The following TAPBPL variants were observed in gnomAD, a reference collection of about 807,000 sequenced individuals.
TAPBPL encodes the protein tapasin-related protein.
A neutral mutation model predicts 44.8 loss-of-function variants in TAPBPL; 32 were observed. That is an observed-to-expected ratio of 0.71 (90% CI 0.54 to 0.96). The LOEUF (loss-of-function observed/expected upper bound fraction) is 0.96, where lower values mean the gene tolerates loss of function less well. TAPBPL is among the 40% of genes least tolerant of loss of function. TAPBPL has a pLI of 0.00. For synonymous variants in TAPBPL, 230 were observed against 240.7 expected (o/e 0.96, Z 0.41); for missense variants, 520 against 586.6 (o/e 0.89, Z 1.17).
Position 6,460,938 on chromosome 12 carries a change from G to A in TAPBPL, c.1291G>A (p.Ala431Thr). 2 of 1,614,108 alleles carry A rather than the reference G, an allele frequency of 1.2e-6. No individual in the cohort carries two copies. The highest frequency in any genetic ancestry group is 1.7e-6 in the Non-Finnish European group (2 of 1,180,008). The part of the protein sequence containing the change: ...LMFLGLQRRQ[A>T]PTGLGLLQAE... ...GTTCCTGGGGCTTCAGAGACGGCAAGGTAAGAGCCTGGGTGCCCTTGGCTC... is the reference window on the plus strand; with the variant it reads ...GTTCCTGGGGCTTCAGAGACGGCAAAGTAAGAGCCTGGGTGCCCTTGGCTC... Residue 431 changes from alanine to threonine, a missense_variant and splice_region_variant, in exon 6 of 7, where the codon GCA (alanine) becomes ACA (threonine). By Grantham distance (58) the Ala-to-Thr change is moderately conservative (BLOSUM62 0). Coordinates refer to ENST00000266556, the MANE Select transcript of TAPBPL (RefSeq NM_018009.5).
downstream of TAPBPL, chr12:6,462,581 G>C: frequency 1.7e-6 from 1 of 577,650 alleles, no homozygotes; most frequent in Non-Finnish European, 3.1e-6. Context: ...AAGTAGAAGG[G>C]CTAATACCCC....
At chr12:6,463,677 C>G (rs1247235124), downstream of TAPBPL, 2 of 1,087,680 alleles carry the variant, frequency 1.8e-6, no homozygotes, top group Non-Finnish European at 2.2e-6. The surrounding 1 kb of genome is among the most constrained non-coding windows in gnomAD (Gnocchi z 4.0). Context: ...GATAAAACTA[C>G]CAGCTAGATG....
Position 6,457,671 on chromosome 12 carries a change from C to G in TAPBPL, c.831C>G (p.Asp277Glu). The change falls in exon 4 of 7, where the codon GAC (aspartate) becomes GAG (glutamate). Residue 277 changes from aspartate (D) to glutamate (E), a missense_variant. By Grantham distance (45) the Asp-to-Glu change is conservative. Coordinates refer to ENST00000266556, the MANE Select transcript of TAPBPL (RefSeq NM_018009.5). ...CCCTGCCCGGCCTCACTATACAGGA[C>G]GAGGGGACCTACATTTGCCAGATCA... is the stretch of plus-strand genomic sequence containing the variant. ...SLTLPGLTIQ[D>E]EGTYICQITT... 1 of 1,613,774 alleles carries G rather than the reference C, an allele frequency of 6.2e-7. No individual in the cohort carries two copies. Among genetic ancestry groups the G allele is most frequent in the Non-Finnish European group, 8.5e-7 (1 of 1,179,762 alleles).
At position 6,453,606 on chromosome 12, in the gene TAPBPL, G is replaced by T; in HGVS notation, c.455G>T (p.Gly152Val). ...FMANMQVSGG[G>V]PSISLVMKTP... ...GCCAACATGCAGGTCTCTGGAGGGGGACCTAGCATCTCCTTGGTGATGAAG... is the reference window on the plus strand; with the variant it reads ...GCCAACATGCAGGTCTCTGGAGGGGTACCTAGCATCTCCTTGGTGATGAAG... Residue 152 changes from glycine (G) to valine (V), a missense_variant, in exon 3 of 7, where the codon GGA becomes GTA. By Grantham distance (109) the Gly-to-Val change is moderately radical (BLOSUM62 -3). Transcript: ENST00000266556. This position sits in a 1 kb window ranked among gnomAD's most constrained non-coding sequence, Gnocchi z 4.8. 1 of 1,614,168 alleles carries T rather than the reference G, an allele frequency of 6.2e-7. No individual in the cohort carries two copies. Among genetic ancestry groups the T allele is most frequent in the Non-Finnish European group, 8.5e-7 (1 of 1,180,030 alleles).
At chr12:6,470,091 G>T (rs989863535), downstream of TAPBPL, among the ~76,000 whole-genome samples, 1 of 152,082 alleles carries the variant, frequency 6.6e-6, no homozygotes, top group Admixed American at 6.5e-5. Context: ...GAGATTGTAG[G>T]GCAACATAAG....
In TAPBPL at chr12:6,460,837, C is replaced by T. The variant is rs780414245; in HGVS notation, c.1208-18C>T. 1.5e-5 allele frequency: 25 copies of T among 1,613,366 alleles called. No homozygotes were observed. The highest frequency in any genetic ancestry group is 4.0e-5 in the African/African-American group (3 of 74,892). ...TCCTGCGCACGATGATCCCCGCCCA[C>T]GTTGCTCTCACCTACAGAGCGGAGA... On this transcript the variant is annotated intron_variant, in intron 5 of 6. Transcript: ENST00000266556.
At chr12:6,462,927 A>G, downstream of TAPBPL, 1 of 1,561,388 alleles carries the variant, frequency 6.4e-7, no homozygotes, top group South Asian at 1.2e-5. Context: ...GCTGCATGGA[A>G]AGTGGGCATC....
chr12:6,466,216 T>C (rs370743078), downstream of TAPBPL: 6 of 1,614,052 alleles, frequency 3.7e-6, no homozygotes, highest in East Asian at 2.2e-5. Flanking sequence ...GAAACAGCTA[T>C]CTACCTACCT....
At chr12:6,457,917 T>C (rs1035377733) in intron 4 of TAPBPL, among the ~76,000 whole-genome samples, 173 bp downstream of exon 4, 25 of 152,176 alleles carry the variant, frequency 1.6e-4, no homozygotes, top group African/African-American at 4.3e-4. Flanking sequence ...AGGAGTCCCG[T>C]TGGACTCCAG....
At position 6,453,348 on chromosome 12, in the gene TAPBPL, G is replaced by C; in HGVS notation, c.295+51G>C. Reference sequence around the variant, plus strand: ...GGTCCTCCCGGGCTCCCTCCACCAGGACAGCCCAGGTCCCGATTACAGCCA... The same window carrying C: ...GGTCCTCCCGGGCTCCCTCCACCAGCACAGCCCAGGTCCCGATTACAGCCA... On this transcript the variant is annotated intron_variant, in intron 2 of 6. Coordinates refer to ENST00000266556, the MANE Select transcript of TAPBPL (RefSeq NM_018009.5). This position sits in a 1 kb window ranked among gnomAD's most constrained non-coding sequence, Gnocchi z 4.8. 4 of 1,610,542 alleles carry C rather than the reference G, an allele frequency of 2.5e-6. No homozygotes were observed. Among genetic ancestry groups the C allele is most frequent in the Non-Finnish European group, 3.4e-6 (4 of 1,178,110 alleles).
intron 6 of TAPBPL, 116 bp downstream of exon 6, chr12:6,461,054 C>G: frequency 6.5e-7 from 1 of 1,532,034 alleles, no homozygotes; most frequent in Non-Finnish European, 8.8e-7. Context: ...ACCCACCCAT[C>G]ACAGCCTCCT....
chr12:6,453,670 G>A lies in TAPBPL; in HGVS notation c.519G>A (p.Pro173=), dbSNP rs2041388. The stretch of plus-strand genomic sequence containing the variant: ...CCAAGAATGAGGCGCTCTGGCACCC[G>A]ACGCTGAACTTGCCACTGAGCCCCC... The part of the protein sequence containing the change: ...RVTKNEALWH[P]TLNLPLSPQG... Residue 173 remains proline, a synonymous_variant, in exon 3 of 7, where the codon CCG becomes CCA. Transcript: ENST00000266556. This position sits in a 1 kb window ranked among gnomAD's most constrained non-coding sequence, Gnocchi z 4.8. 435,740 of 1,612,564 alleles carry A rather than the reference G, an allele frequency of 0.27. 61,716 individuals are homozygous for A. The highest frequency in any genetic ancestry group is 0.34 in the East Asian group (15,260 of 44,864).
At chr12:6,462,788 G>C (rs758222790), downstream of TAPBPL, 3 of 1,577,050 alleles carry the variant, frequency 1.9e-6, no homozygotes, top group Non-Finnish European at 2.6e-6. Context: ...GGAGACCTTC[G>C]AGGGGGGCCG....
At chr12:6,469,144 C>T (rs1027401791), downstream of TAPBPL, among the ~76,000 whole-genome samples, 2 of 152,166 alleles carry the variant, frequency 1.3e-5, no homozygotes, top group Non-Finnish European at 2.9e-5. Context: ...CCATTTCCCT[C>T]TAAGGTGCAA....
chr12:6,452,353 T>A, intron 1 of TAPBPL, 41 bp downstream of exon 1: 2 of 1,553,898 alleles, frequency 1.3e-6, no homozygotes, highest in African/African-American at 1.4e-5. Flanking sequence ...GGAGAAGAGC[T>A]ACTGAAGCCC....
Position 6,460,852 on chromosome 12 carries a change from C to CAG in TAPBPL, c.1208_1209dup, listed in dbSNP as rs767560465. Reference sequence around the variant, plus strand: ...TCCCCGCCCACGTTGCTCTCACCTACAGAGCGGAGAACAGCCTTGGGAGTC... The same window carrying CAG: ...TCCCCGCCCACGTTGCTCTCACCTACAGAGAGCGGAGAACAGCCTTGGGAGTC... On this transcript the variant is annotated splice_region_variant and splice_polypyrimidine_tract_variant and intron_variant, in intron 5 of 6. Transcript: ENST00000266556. 1.9e-6 allele frequency: 3 copies of CAG among 1,613,984 alleles called. No homozygotes were observed. The African/African-American group carries it at 4.0e-5, about 22-fold the overall frequency.
rs1200893805 is a variant in TAPBPL, at chr12:6,460,888, G to A, written c.1241G>A (p.Ser414Asn). The part of the protein sequence containing the change: ...RRTALGVIFA[S>N]SLFLLALMFL... Reference sequence around the variant, plus strand: ...ACAGCCTTGGGAGTCATCTTTGCCAGCAGTCTCTTCCTTCTTGCACTGATG... The same window carrying A: ...ACAGCCTTGGGAGTCATCTTTGCCAACAGTCTCTTCCTTCTTGCACTGATG... The change falls in exon 6 of 7, where the codon AGC becomes AAC. Residue 414 changes from serine (S) to asparagine (N), a missense_variant. By Grantham distance (46) the Ser-to-Asn change is conservative (BLOSUM62 1). Transcript: ENST00000266556. 6.2e-7 allele frequency: 1 copy of A among 1,614,004 alleles called. No homozygotes were observed. The highest frequency in any genetic ancestry group is 1.1e-5 in the South Asian group (1 of 91,078).
In TAPBPL at chr12:6,457,504, C is replaced by T. The variant is rs745751036; in HGVS notation, c.664C>T (p.Leu222Phe). 12 of 1,614,242 alleles carry T rather than the reference C, an allele frequency of 7.4e-6. No homozygotes were observed. Among genetic ancestry groups the T allele is most frequent in the Middle Eastern group, 1.6e-4 (1 of 6,062 alleles). Residue 222 changes from leucine to phenylalanine, a missense_variant, in exon 4 of 7, where the codon CTC becomes TTC. Transcript: ENST00000266556. ...CTTCTCCATGGCACCGGGCTTGGAC[C>T]TCATCAGTGTGGAGTGGCGACTGCA... ...CGFSMAPGLD[L>F]ISVEWRLQHK... is the part of the protein sequence containing the mutation.
downstream of TAPBPL, chr12:6,465,383 T>TATATATAC (rs1555130168): frequency 1.0e-4 from 9 of 87,392 alleles, 1 homozygote; most frequent in Admixed American, 5.1e-4. Context: ...AATGTATATA[T>TATATATAC]ATGTATATAT....
Sources: allele counts gnomAD v4.1 joint callset (sites outside exome capture counted in the v4.1 genomes callset), GRCh38; gene constraint gnomAD v4.1.1; non-coding constraint Gnocchi (gnomAD v3.1); transcripts MANE v1.5; gene names NCBI Gene and HGNC (gene_info 2026-07-23, HGNC 2026-07-21).